The following IGFN1 variants were observed in gnomAD, a reference collection of about 807,000 sequenced individuals.
IGFN1 encodes immunoglobulin-like and fibronectin type III domain-containing protein 1.
IGFN1 carries 253 observed loss-of-function variants against 289.5 expected under a neutral mutation model. That is an observed-to-expected ratio of 0.87 (90% confidence interval 0.79 to 0.97). The LOEUF (loss-of-function observed/expected upper bound fraction) is 0.97, where lower values mean the gene tolerates loss of function less well. Ranked by LOEUF, IGFN1 falls within the 50% of genes least tolerant of loss-of-function variation. The pLI is 0.00. For missense variants in IGFN1, 4,470 were observed against 4,686.1 expected (o/e 0.95, Z 1.35); for synonymous variants, 1,706 against 1,788.5 (o/e 0.95, Z 1.16).
In IGFN1 at chr1:201,204,985, G is replaced by A. The variant is rs1163879951; in HGVS notation, c.917-97G>A. 3 of 1,269,934 alleles carry A rather than the reference G, an allele frequency of 2.4e-6. No homozygotes were observed. The African/African-American group carries it at 4.5e-5, about 19-fold the overall frequency. The allele number at this position is 1,269,934 out of a possible 1,614,324, so 78.7% of individuals were successfully genotyped here. ...AACATGGGGAGTTTGTGGCTGAGCT[G>A]GTCTAAGCCAGGATTTCTGAATGGC... is the stretch of plus-strand genomic sequence containing the variant. On this transcript the variant is annotated intron_variant, in intron 10 of 23. Coordinates refer to ENST00000335211, the MANE Select transcript of IGFN1 (RefSeq NM_001164586.2).
At chr1:201,227,860 C>G (rs558301460) in intron 23 of IGFN1, among the ~76,000 whole-genome samples, 12 of 152,310 alleles carry the variant, frequency 7.9e-5, no homozygotes, top group Non-Finnish European at 1.6e-4. Context: ...GAACAGGCAT[C>G]CGTATTGCTG....
intron 21 of IGFN1, among the ~76,000 whole-genome samples, chr1:201,225,520 G>A (rs1326461898): frequency 6.6e-6 from 1 of 152,182 alleles, no homozygotes; most frequent in Non-Finnish European, 1.5e-5. Context: ...GTGAACCCGG[G>A]AGTTGGAGCT....
At chr1:201,195,340 T>C (rs1229615792) in intron 3 of IGFN1, among the ~76,000 whole-genome samples, 3 of 152,068 alleles carry the variant, frequency 2.0e-5, no homozygotes, top group African/African-American at 7.2e-5. Flanking sequence ...TTAATAGAGA[T>C]GGGGTTTCAC....
chr1:201,206,852 A>T lies in IGFN1; in HGVS notation c.1959A>T (p.Val653=). 6.5e-7 allele frequency: 1 copy of T among 1,536,444 alleles called. No homozygotes were observed. ...APSRERGRGI[V]VWGGGTGLGE... is the part of the protein sequence containing the mutation. The stretch of plus-strand genomic sequence containing the variant: ...GTAGGGAAAGGGGGAGAGGAATAGT[A>T]GTGTGGGGTGGTGGGACTGGCCTGG... Residue 653 remains valine, a synonymous_variant, in exon 12 of 24, where the codon GTA becomes GTT. Coordinates refer to ENST00000335211, the MANE Select transcript of IGFN1 (RefSeq NM_001164586.2).
chr1:201,201,494 A>T (rs553475917), intron 8 of IGFN1, among the ~76,000 whole-genome samples: 3 of 152,326 alleles, frequency 2.0e-5, no homozygotes, highest in Non-Finnish European at 4.4e-5. Flanking sequence ...TGTTCTAGCA[A>T]CTGAACACCT....
In IGFN1 at chr1:201,211,853, A is replaced by C. The variant is rs1667827453; in HGVS notation, c.6960A>C (p.Ala2320=). Residue 2320 remains alanine, a synonymous_variant, in exon 12 of 24, where the codon GCA becomes GCC. Transcript: ENST00000335211. ...DSGYILSWNE[A]GSRQGFGGTS... ...GGTACATTTTGTCATGGAATGAGGC[A>C]GGTTCTAGGCAAGGCTTTGGGGGAA... 2.0e-6 allele frequency: 3 copies of C among 1,535,828 alleles called. No homozygotes were observed. The highest frequency in any genetic ancestry group is 2.6e-6 in the Non-Finnish European group (3 of 1,146,208).
At chr1:201,205,849 G>A (rs1177140827) in intron 11 of IGFN1, among the ~76,000 whole-genome samples, 1 of 152,198 alleles carries the variant, frequency 6.6e-6, no homozygotes, top group Non-Finnish European at 1.5e-5. Flanking sequence ...CCTATAGCAG[G>A]GTGGCCTGCG....
Position 201,211,725 on chromosome 1 carries a change from A to C in IGFN1, c.6832A>C (p.Ile2278Leu). ...GAATGGTTTAGGCAGTTCTGGAAAA[A>C]TCAGTTCAGGGGATGAGGCAGGTTA... ...YRNGLGSSGKISSGDEAGYKN... is the reference protein window; with the variant it reads ...YRNGLGSSGKLSSGDEAGYKN... Residue 2278 changes from isoleucine (I) to leucine (L), a missense_variant, in exon 12 of 24, where the codon ATC (isoleucine) becomes CTC (leucine). Physicochemically the swap from Ile to Leu is conservative, Grantham distance 5. Coordinates refer to ENST00000335211, the MANE Select transcript of IGFN1 (RefSeq NM_001164586.2). The C allele has an allele frequency of 6.5e-7, 1 of 1,537,010 alleles. No homozygotes were observed. Among genetic ancestry groups the C allele is most frequent in the Non-Finnish European group, 8.7e-7 (1 of 1,146,820 alleles).
In IGFN1 at chr1:201,217,279, AC is replaced by A; in HGVS notation, c.9596-3del. On this transcript the variant is annotated splice_polypyrimidine_tract_variant and splice_region_variant and intron_variant, in intron 16 of 23. Transcript: ENST00000335211. ...CCTCTGGCTGACTGGAATCTTTCTTACCCCCAGCTCTCCCCAAGGCCCCTTC... is the reference window on the plus strand; with the variant it reads ...CCTCTGGCTGACTGGAATCTTTCTTACCCCAGCTCTCCCCAAGGCCCCTTC... The A allele has an allele frequency of 6.2e-7, 1 of 1,610,906 alleles. No homozygotes were observed. Among genetic ancestry groups the A allele is most frequent in the Non-Finnish European group, 8.5e-7 (1 of 1,178,796 alleles).
Position 201,217,352 on chromosome 1 carries a change from T to G in IGFN1, c.9661T>G (p.Trp3221Gly), listed in dbSNP as rs1386893455. ...CTCCAGCCAGGGCATCACACTGACA[T>G]GGACAGCACCTCGGGGCCCCGGCAG... Reference protein sequence around the residue: ...SASSQGITLTWTAPRGPGSAH... With the variant: ...SASSQGITLTGTAPRGPGSAH... Residue 3221 changes from tryptophan (W) to glycine (G), a missense_variant, in exon 17 of 24, where the codon TGG becomes GGG. Trp to Gly is a radical substitution (Grantham distance 184, BLOSUM62 -2). Coordinates refer to ENST00000335211, the MANE Select transcript of IGFN1 (RefSeq NM_001164586.2). 6.2e-7 allele frequency: 1 copy of G among 1,614,166 alleles called. No homozygotes were observed. The highest frequency in any genetic ancestry group is 1.1e-5 in the South Asian group (1 of 91,074).
intron 2 of IGFN1, among the ~76,000 whole-genome samples, chr1:201,193,742 G>A (rs759578332): frequency 1.2e-4 from 19 of 152,148 alleles, no homozygotes; most frequent in African/African-American, 2.9e-4. Context: ...GTAAGCCACC[G>A]TGCTTGGCTT....
Position 201,211,873 on chromosome 1 carries a change from G to A in IGFN1, c.6980G>A (p.Gly2327Glu), listed in dbSNP as rs560091075. Residue 2327 changes from glycine (G) to glutamate (E), a missense_variant, in exon 12 of 24, where the codon GGG becomes GAG. Physicochemically the swap from Gly to Glu is moderately conservative, Grantham distance 98 (BLOSUM62 -2). Coordinates refer to ENST00000335211, the MANE Select transcript of IGFN1 (RefSeq NM_001164586.2). ...GAGGCAGGTTCTAGGCAAGGCTTTG[G>A]GGGAACTAGTGGCATGGGGTCAGGG... The part of the protein sequence containing the change: ...WNEAGSRQGF[G>E]GTSGMGSGSE... 59 of 1,533,532 alleles carry A rather than the reference G, an allele frequency of 3.8e-5. No individual in the cohort carries two copies. In the South Asian group the frequency reaches 6.7e-4, roughly 17 times the overall value. 95.0% of individuals were successfully genotyped at this position (1,533,532 alleles called of 1,614,324 possible). A position where few individuals can be genotyped will look rare whatever the true frequency, so the allele number is the denominator to read the frequency against.
intron 5 of IGFN1, among the ~76,000 whole-genome samples, chr1:201,198,228 C>T (rs1186325688): frequency 2.0e-5 from 3 of 152,202 alleles, no homozygotes; most frequent in Non-Finnish European, 4.4e-5. Flanking sequence ...ATCTGCCTCC[C>T]GGGTTCAAGC....
Position 201,211,545 on chromosome 1 carries a change from T to G in IGFN1, c.6652T>G (p.Leu2218Val). ...SVNKAGYRKD[L>V]GAPKGMGSGS... is the part of the protein sequence containing the mutation. The stretch of plus-strand genomic sequence containing the variant: ...GAATAAGGCAGGTTATAGGAAGGAT[T>G]TGGGGGCTCCTAAGGGAATGGGTTC... The change falls in exon 12 of 24, where the codon TTG becomes GTG. Residue 2218 changes from leucine (L) to valine (V), a missense_variant. Physicochemically the swap from Leu to Val is conservative, Grantham distance 32. Transcript: ENST00000335211. The G allele has an allele frequency of 6.6e-7, 1 of 1,521,914 alleles. No individual in the cohort carries two copies. Among genetic ancestry groups the G allele is most frequent in the Non-Finnish European group, 8.8e-7 (1 of 1,138,868 alleles). The allele number at this position is 1,521,914 out of a possible 1,614,324, so 94.3% of individuals were successfully genotyped here. A position where few individuals can be genotyped will look rare whatever the true frequency, so the allele number is the denominator to read the frequency against.
rs1181401991 is a variant in IGFN1, at chr1:201,209,354, A to G, written c.4461A>G (p.Glu1487=). 7 of 1,491,376 alleles carry G rather than the reference A, an allele frequency of 4.7e-6. No homozygotes were observed. The highest frequency in any genetic ancestry group is 6.2e-6 in the Non-Finnish European group (7 of 1,128,578). The allele number at this position is 1,491,376 out of a possible 1,614,324, so 92.4% of individuals were successfully genotyped here. A position where few individuals can be genotyped will look rare whatever the true frequency, so the allele number is the denominator to read the frequency against. Residue 1487 remains glutamate (E), a synonymous_variant, in exon 12 of 24, where the codon GAA becomes GAG. Coordinates refer to ENST00000335211, the MANE Select transcript of IGFN1 (RefSeq NM_001164586.2). ...GYRGGLRGSG[E]MGLIEAGYRK... is the part of the protein sequence containing the mutation. ...GGGGTGGTTTAAGGGGTTCTGGGGA[A>G]ATGGGGTTAATTGAGGCAGGCTATA...
Position 201,213,486 on chromosome 1 carries a change from C to T in IGFN1, c.8593C>T (p.Pro2865Ser), listed in dbSNP as rs746494218. The change falls in exon 12 of 24, where the codon CCC becomes TCC. Residue 2865 changes from proline to serine, a missense_variant. This residue lies in a region of IGFN1 where 2,218 missense variants were observed against 2,114.1 expected (regional missense o/e 1.05). Coordinates refer to ENST00000335211, the MANE Select transcript of IGFN1 (RefSeq NM_001164586.2). ...EMLNEDQSRE[P>S]PGHLGSRRSG... ...GCTGAATGAAGATCAGAGCCGGGAG[C>T]CCCCTGGTCACCTTGGTAGCAGGAG... 1 of 1,613,840 alleles carries T rather than the reference C, an allele frequency of 6.2e-7. No homozygotes were observed. The highest frequency in any genetic ancestry group is 1.7e-5 in the Admixed American group (1 of 59,992).
At chr1:201,216,862 C>A in intron 16 of IGFN1, 109 bp downstream of exon 16, 3 of 886,898 alleles carry the variant, frequency 3.4e-6, no homozygotes, top group Non-Finnish European at 5.1e-6. Flanking sequence ...GTGCTCGGGG[C>A]TTCGGAGGCC....
intron 18 of IGFN1, among the ~76,000 whole-genome samples, chr1:201,221,179 A>G (rs4915224): frequency 0.9 from 137,694 of 152,272 alleles, 62,389 homozygotes; most frequent in East Asian, 1. Flanking sequence ...AGGAGAAGGC[A>G]TTTGGCAGGT....
intron 7 of IGFN1, 71 bp from the exon 8 acceptor site, chr1:201,200,166 C>A: frequency 7.6e-7 from 1 of 1,320,408 alleles, no homozygotes; most frequent in Non-Finnish European, 1.0e-6. Flanking sequence ...CTACTTGGGA[C>A]ACCAGAGCCA....
Sources: gnomAD v4.1 joint callset for allele counts (sites outside exome capture counted in the v4.1 genomes callset) on GRCh38, gnomAD v4.1.1 for gene constraint, gnomAD v4.1.1 regional missense constraint, MANE v1.5 for transcripts, NCBI Gene and HGNC (gene_info 2026-07-23, HGNC 2026-07-21) for gene names.